The following NLRP11 variants were observed in gnomAD, a reference collection of about 807,000 sequenced individuals.
NLRP11 encodes the protein NACHT, LRR and PYD domains-containing protein 11.
NLRP11 carries 53 observed loss-of-function variants against 79.3 expected under a neutral mutation model. The ratio of observed to expected loss-of-function variants is 0.67; its 90% CI spans 0.54 to 0.84. The LOEUF (loss-of-function observed/expected upper bound fraction) is 0.84. Among genes scored for constraint, NLRP11 ranks in the 40% least tolerant of loss-of-function variants. NLRP11 has a pLI of 0.00. For missense variants in NLRP11, 1,264 were observed against 1,255.0 expected, an observed-to-expected ratio of 1.01 and a Z score of -0.11; for synonymous variants, 518 against 462.6, an observed-to-expected ratio of 1.12 and a Z score of -1.54.
At chr19:55,810,260 T>G in exon 3 of NLRP11, 1 of 1,613,854 alleles carries the variant, frequency 6.2e-7, no homozygotes, top group Non-Finnish European at 8.5e-7. Context: ...AAATTTATAA[T>G]GAAATTTTCC....
At position 55,809,009 on chromosome 19, in the gene NLRP11, C is replaced by T. The variant is rs141337326; in HGVS notation, c.1601G>A (p.Arg534His). The change falls in exon 3 of 10, where the codon CGT (arginine) becomes CAT (histidine). Residue 534 changes from arginine to histidine, a missense_variant. Transcript: ENST00000589093. This position sits in a 1 kb window ranked among gnomAD's most constrained non-coding sequence, Gnocchi z 4.5. Reference sequence around the variant, plus strand: ...ATGGTGCGTCAACTTTTCCGGGTCACGGTCCAAATGTTTCATGTATCCCAC... The same window carrying T: ...ATGGTGCGTCAACTTTTCCGGGTCATGGTCCAAATGTTTCATGTATCCCAC... 2.2e-5 allele frequency: 35 copies of T among 1,613,984 alleles called. No individual in the cohort carries two copies. The highest frequency in any genetic ancestry group is 1.6e-4 in the Middle Eastern group (1 of 6,084).
In NLRP11 at chr19:55,809,646, C is replaced by T; in HGVS notation, c.964G>A (p.Ala322Thr). ...TCATCCTCATGTACAAGCTGGAGGG[C>T]TGCCGACGCCCTCTGGCGGTCTTTA... The change falls in exon 3 of 10, where the codon GCC becomes ACC. Residue 322 changes from alanine to threonine, a missense_variant. Ala to Thr is a moderately conservative substitution (Grantham distance 58, BLOSUM62 0). Transcript: ENST00000589093. The surrounding 1 kb of genome is among the most constrained non-coding windows in gnomAD (Gnocchi z 4.5). 6.2e-7 allele frequency: 1 copy of T among 1,614,208 alleles called. No individual in the cohort carries two copies. The highest frequency in any genetic ancestry group is 1.1e-5 in the South Asian group (1 of 91,088).
intron 2 of NLRP11, among the ~76,000 whole-genome samples, chr19:55,814,493 C>G (rs936496046): frequency 6.6e-6 from 1 of 151,954 alleles, no homozygotes; most frequent in Non-Finnish European, 1.5e-5. Flanking sequence ...TACACTATAC[C>G]AGGACAAGCT....
intron 1 of NLRP11, among the ~76,000 whole-genome samples, chr19:55,822,435 C>A (rs1285838040): frequency 1.3e-5 from 2 of 152,190 alleles, no homozygotes; most frequent in African/African-American, 4.8e-5. Flanking sequence ...AGGAACAGCT[C>A]CGGTCTACAG....
chr19:55,795,266 G>A (rs752351314), intron 6 of NLRP11, among the ~76,000 whole-genome samples: 18 of 152,040 alleles, frequency 1.2e-4, no homozygotes, highest in African/African-American at 3.4e-4. Flanking sequence ...GGGAGAGCCC[G>A]TCTTCCACCT....
chr19:55,797,336 T>C (rs1410722906), intron 5 of NLRP11, among the ~76,000 whole-genome samples: 1 of 152,120 alleles, frequency 6.6e-6, no homozygotes, highest in Non-Finnish European at 1.5e-5. Context: ...TAAAAATAAG[T>C]GATCTTTCCC....
chr19:55,786,038 C>T (rs752650898), intron 9 of NLRP11, among the ~76,000 whole-genome samples, 167 bp from the exon 10 acceptor site: 7 of 152,146 alleles, frequency 4.6e-5, no homozygotes, highest in African/African-American at 7.2e-5. Context: ...CGTGAGATAG[C>T]GATTTCTCCA....
rs1355881593 is a variant in NLRP11, at chr19:55,809,352, C to A, written c.1258G>T (p.Val420Phe). The A allele has an allele frequency of 1.9e-6, 3 of 1,614,176 alleles. No homozygotes were observed. The highest frequency in any genetic ancestry group is 2.5e-6 in the Non-Finnish European group (3 of 1,180,036). ...GAGACATCAGCCTCAGTAAACCCAA[C>A]ACATCTGAGGTCTTCACCACTGAAA... Residue 420 changes from valine (V) to phenylalanine (F), a missense_variant, in exon 3 of 10, where the codon GTT becomes TTT. Val to Phe is a conservative substitution (Grantham distance 50, BLOSUM62 -1). Coordinates refer to ENST00000589093, the Ensembl canonical transcript of NLRP11. This position sits in a 1 kb window ranked among gnomAD's most constrained non-coding sequence, Gnocchi z 4.5.
chr19:55,802,304 G>A (rs1311814770), intron 4 of NLRP11, among the ~76,000 whole-genome samples: 1 of 152,042 alleles, frequency 6.6e-6, no homozygotes, highest in Non-Finnish European at 1.5e-5. Context: ...CTGATAAACT[G>A]CAAAAGTTTC....
chr19:55,806,240 C>T (rs1979977448), intron 4 of NLRP11, among the ~76,000 whole-genome samples: 1 of 152,194 alleles, frequency 6.6e-6, no homozygotes, highest in South Asian at 2.1e-4. Flanking sequence ...TTGTGTTATA[C>T]ACATGTATAC....
At chr19:55,821,250 C>CACACACCCA (rs1407880955) in intron 1 of NLRP11, among the ~76,000 whole-genome samples, 3 of 102,572 alleles carry the variant, frequency 2.9e-5, no homozygotes, top group African/African-American at 1.0e-4. Context: ...CACACACACA[C>CACACACCCA]CCCAAGCACT....
intron 4 of NLRP11, 31 bp downstream of exon 4, chr19:55,807,822 C>A (rs201118631): frequency 1.2e-5 from 18 of 1,492,692 alleles, no homozygotes; most frequent in South Asian, 9.7e-5. Flanking sequence ...CCTAGGGGAA[C>A]CTCTAAGGCA....
At chr19:55,823,039 G>A (rs999831798) in intron 1 of NLRP11, among the ~76,000 whole-genome samples, 1 of 149,274 alleles carries the variant, frequency 6.7e-6, no homozygotes, top group Non-Finnish European at 1.5e-5. Context: ...GAGAGCAGTG[G>A]TTCTCCCAGC....
rs142687727 is a variant in NLRP11 at position 55,792,375 on chromosome 19, A to G, written c.2439T>C (p.Asn813=). Residue 813 remains asparagine (N), a synonymous_variant, in exon 7 of 10, where the codon AAT becomes AAC. Coordinates refer to ENST00000589093, the Ensembl canonical transcript of NLRP11. ...GCAACACTCCGTAATTTTTTAAGCG[A>G]TTCACACACAGGTCTAGTTGTCTTA... The G allele has an allele frequency of 7.7e-5, 125 of 1,614,162 alleles. No individual in the cohort carries two copies. The African/African-American group carries it at 1.5e-3, about 19-fold the overall frequency.
intron 2 of NLRP11, among the ~76,000 whole-genome samples, chr19:55,812,370 T>C (rs536381850): frequency 7.2e-5 from 11 of 152,252 alleles, no homozygotes; most frequent in Non-Finnish European, 1.5e-4. Context: ...TCAATAGAAT[T>C]GGCCTAACAA....
chr19:55,823,108 G>T (rs1981957450), intron 1 of NLRP11, among the ~76,000 whole-genome samples: 1 of 146,980 alleles, frequency 6.8e-6, no homozygotes, highest in Admixed American at 6.8e-5. Flanking sequence ...CCTGACCCCT[G>T]ACCCCCAAGC....
At chr19:55,810,165 C>T in exon 3 of NLRP11, 1 of 1,613,794 alleles carries the variant, frequency 6.2e-7, no homozygotes, top group Non-Finnish European at 8.5e-7. Context: ...ATCAGGAACA[C>T]ATTGAGATTG....
exon 2 of NLRP11, chr19:55,818,185 C>T: frequency 1.9e-6 from 3 of 1,606,808 alleles, no homozygotes; most frequent in Non-Finnish European, 2.6e-6. Context: ...CTTGCTTCTC[C>T]AGGGAAGGCA....
intron 4 of NLRP11, among the ~76,000 whole-genome samples, chr19:55,807,566 A>G (rs1381669897): frequency 1.3e-5 from 2 of 151,938 alleles, no homozygotes; most frequent in Non-Finnish European, 1.5e-5. Context: ...TTTTGAAAAG[A>G]CTCCATCAAG....
Sources: gnomAD v4.1 joint callset for allele counts (sites outside exome capture counted in the v4.1 genomes callset) on GRCh38, gnomAD v4.1.1 for gene constraint, Gnocchi (gnomAD v3.1) non-coding constraint, MANE v1.5 for transcripts, NCBI Gene and HGNC (gene_info 2026-07-23, HGNC 2026-07-21) for gene names.